The following UXS1 variants were observed in gnomAD, a reference collection of about 807,000 sequenced individuals.
UXS1 encodes UDP-glucuronic acid decarboxylase 1.
In UXS1, 33 loss-of-function variants were observed where a neutral mutation model predicts 62.6. The ratio of observed to expected loss-of-function variants is 0.53; its 90% CI spans 0.40 to 0.70. The LOEUF (loss-of-function observed/expected upper bound fraction) is 0.70, where lower values mean the gene tolerates loss of function less well. Among genes scored for constraint, UXS1 ranks in the 30% least tolerant of loss-of-function variants. The pLI, the probability that UXS1 is intolerant of heterozygous loss-of-function variation, is 0.00. For synonymous variants in UXS1, 213 were observed against 206.8 expected (o/e 1.03, Z -0.26); for missense variants, 434 against 556.3 (o/e 0.78, Z 2.21).
chr2:106,152,102 G>A (rs1399637016), intron 5 of UXS1, among the ~76,000 whole-genome samples: 1 of 152,222 alleles, frequency 6.6e-6, no homozygotes, highest in Non-Finnish European at 1.5e-5. Flanking sequence ...ACAACCATAA[G>A]TGGTCCAAAT....
chr2:106,180,700 A>C (rs1684187452), intron 1 of UXS1, among the ~76,000 whole-genome samples: 2 of 152,220 alleles, frequency 1.3e-5, no homozygotes, highest in African/African-American at 4.8e-5. Flanking sequence ...GAAATACCAG[A>C]GGATACCATC....
chr2:106,163,754 G>A, intron 3 of UXS1, 44 bp from the exon 4 acceptor site: 1 of 1,280,458 alleles, frequency 7.8e-7, no homozygotes, highest in Non-Finnish European at 1.0e-6. Flanking sequence ...CAAAAACACA[G>A]TTCTCAACCC....
At chr2:106,113,676 C>G (rs549030633) in intron 9 of UXS1, among the ~76,000 whole-genome samples, 62 of 152,318 alleles carry the variant, frequency 4.1e-4, no homozygotes, top group African/African-American at 1.3e-3. Context: ...GTATACGTAT[C>G]TAATGTTTGA....
intron 9 of UXS1, among the ~76,000 whole-genome samples, chr2:106,116,965 T>G (rs914967139): frequency 1.3e-5 from 2 of 152,100 alleles, no homozygotes; most frequent in Non-Finnish European, 2.9e-5. Context: ...GTACAACAGG[T>G]CCCCAAATAA....
chr2:106,163,808 T>A, intron 3 of UXS1, 98 bp from the exon 4 acceptor site: 1 of 633,554 alleles, frequency 1.6e-6, no homozygotes, highest in Non-Finnish European at 2.4e-6. Flanking sequence ...AAACAGGTTT[T>A]AATTTCTTCT....
chr2:106,181,343 C>T (rs1296788329), intron 1 of UXS1, among the ~76,000 whole-genome samples: 1 of 152,220 alleles, frequency 6.6e-6, no homozygotes, highest in Non-Finnish European at 1.5e-5. Flanking sequence ...ATGCTCCCTT[C>T]TCAGCAGGCT....
At chr2:106,117,479 C>A (rs1175282398) in intron 9 of UXS1, among the ~76,000 whole-genome samples, 1 of 152,138 alleles carries the variant, frequency 6.6e-6, no homozygotes, top group Non-Finnish European at 1.5e-5. Context: ...TTCCAAGAAC[C>A]TGCTGATGGT....
At chr2:106,099,940 A>G (rs6760747) in intron 12 of UXS1, among the ~76,000 whole-genome samples, 113,504 of 152,126 alleles carry the variant, frequency 0.75, 42,650 homozygotes, top group South Asian at 0.78. Context: ...CTTTCACCTC[A>G]GGGAAAAATG....
chr2:106,104,730 T>C, intron 11 of UXS1, 64 bp downstream of exon 11: 3 of 1,595,350 alleles, frequency 1.9e-6, no homozygotes, highest in Non-Finnish European at 2.6e-6. Flanking sequence ...GAACTGTCTG[T>C]CAAGTTGGCA....
At chr2:106,163,441 A>G (rs1683025666) in intron 4 of UXS1, among the ~76,000 whole-genome samples, 1 of 152,226 alleles carries the variant, frequency 6.6e-6, no homozygotes, top group African/African-American at 2.4e-5. Context: ...CTATGTAATA[A>G]ATTTGCAGAA....
intron 7 of UXS1, 50 bp from the exon 8 acceptor site, chr2:106,125,729 C>A: frequency 1.3e-6 from 2 of 1,488,926 alleles, no homozygotes; most frequent in Non-Finnish European, 1.8e-6. Context: ...CATGTGCAGG[C>A]ACATTTTTTG....
intron 1 of UXS1, among the ~76,000 whole-genome samples, chr2:106,173,504 T>C (rs1683692206): frequency 6.6e-6 from 1 of 151,988 alleles, no homozygotes; most frequent in South Asian, 2.1e-4. Context: ...CAGTGAGCCA[T>C]AATCACACTG....
At chr2:106,111,065 T>C (rs1008169381) in intron 10 of UXS1, among the ~76,000 whole-genome samples, 6 of 152,176 alleles carry the variant, frequency 3.9e-5, no homozygotes, top group African/African-American at 1.4e-4. Context: ...GCAGAGCCAC[T>C]TGAGCTTCCG....
intron 7 of UXS1, among the ~76,000 whole-genome samples, chr2:106,127,199 G>C (rs1267293787): frequency 6.6e-6 from 1 of 152,158 alleles, no homozygotes; most frequent in African/African-American, 2.4e-5. Flanking sequence ...AAGCTGCTAT[G>C]AACATTCACA....
At chr2:106,130,956 G>A (rs564562647) in intron 6 of UXS1, among the ~76,000 whole-genome samples, 5 of 152,112 alleles carry the variant, frequency 3.3e-5, no homozygotes, top group Non-Finnish European at 7.3e-5. Flanking sequence ...CGTGAGCGAC[G>A]CAGAAGACGG....
At chr2:106,179,234 A>G (rs888166355) in intron 1 of UXS1, among the ~76,000 whole-genome samples, 6 of 151,930 alleles carry the variant, frequency 3.9e-5, no homozygotes, top group Admixed American at 3.9e-4. Context: ...TGAAGCCTCC[A>G]TGGTCTCCCC....
intron 9 of UXS1, among the ~76,000 whole-genome samples, chr2:106,121,704 GA>G (rs1679535114): frequency 6.6e-6 from 1 of 152,242 alleles, no homozygotes; most frequent in African/African-American, 2.4e-5. Flanking sequence ...AAGTCGCTTA[GA>G]AGGCAATTAG....
At chr2:106,113,387 T>A (rs1678783695) in intron 9 of UXS1, among the ~76,000 whole-genome samples, 1 of 152,222 alleles carries the variant, frequency 6.6e-6, no homozygotes, top group Non-Finnish European at 1.5e-5. Context: ...AAGAGAAACA[T>A]ACTGACACTG....
intron 6 of UXS1, among the ~76,000 whole-genome samples, chr2:106,142,117 C>T (rs1299446029): frequency 6.6e-6 from 1 of 152,138 alleles, no homozygotes; most frequent in Non-Finnish European, 1.5e-5. Context: ...AATGATCCAC[C>T]CTCCTTGGCC....
Sources: gnomAD v4.1 joint callset for allele counts (sites outside exome capture counted in the v4.1 genomes callset) on GRCh38, gnomAD v4.1.1 for gene constraint, MANE v1.5 for transcripts, NCBI Gene and HGNC (gene_info 2026-07-23, HGNC 2026-07-21) for gene names.